UBXN4: variants seen among roughly 807,000 people sequenced by gnomAD.
UBXN4 encodes the protein UBX domain protein 4, also known as UBX domain-containing protein 4.
UBXN4 carries 35 observed loss-of-function variants against 66.2 expected under a neutral mutation model. That is an observed-to-expected ratio of 0.53 (90% CI 0.40 to 0.70). The LOEUF (loss-of-function observed/expected upper bound fraction) is 0.70. UBXN4 is among the 30% of genes least tolerant of loss of function. The pLI, the probability that UBXN4 is intolerant of heterozygous loss-of-function variation, is 0.00. For synonymous variants in UBXN4, 203 were observed against 204.5 expected (o/e 0.99, Z 0.06); for missense variants, 533 against 599.8 (o/e 0.89, Z 1.16).
In UBXN4 at chr2:135,762,849, C is replaced by T. The variant is rs1380207426; in HGVS notation, c.602+938C>T. On this transcript the variant is annotated intron_variant, in intron 6 of 12. Coordinates refer to ENST00000272638, the MANE Select transcript of UBXN4 (RefSeq NM_014607.4). ...TTCTGATTTGCTAACACCAGGCCCA[C>T]TACTCTGTACCTTTATTTGCACCAC... 2.6e-5 allele frequency among the ~76,000 whole-genome samples: 4 copies of T among 152,276 alleles called. No individual in the cohort carries two copies. The East Asian group carries it at 7.7e-4, about 29-fold the overall frequency.
chr2:135,747,519 G>A (rs1429042889), intron 1 of UBXN4: 1 of 424,896 alleles, frequency 2.4e-6, no homozygotes, highest in East Asian at 7.1e-5. Context: ...GTCTAAAATT[G>A]CAAACAGAAT....
At chr2:135,764,214 CTG>C (rs1202218284) in intron 6 of UBXN4, among the ~76,000 whole-genome samples, 11 of 152,166 alleles carry the variant, frequency 7.2e-5, no homozygotes, top group East Asian at 1.9e-4. Flanking sequence ...ACAGTTGAAA[CTG>C]AGATCTATTT....
At chr2:135,744,415 G>A (rs537953538) in intron 1 of UBXN4, among the ~76,000 whole-genome samples, 1 of 152,296 alleles carries the variant, frequency 6.6e-6, no homozygotes, top group African/African-American at 2.4e-5. Flanking sequence ...GATTTTCAAA[G>A]TATTGTGGCT....
intron 6 of UBXN4, among the ~76,000 whole-genome samples, chr2:135,765,248 C>G (rs1482121486): frequency 6.7e-6 from 1 of 149,426 alleles, no homozygotes; most frequent in South Asian, 2.1e-4. Context: ...TTGCTCTTGT[C>G]GCCCAAGCTG....
intron 2 of UBXN4, among the ~76,000 whole-genome samples, chr2:135,751,409 C>T (rs550612809): frequency 1.3e-4 from 19 of 151,222 alleles, no homozygotes; most frequent in South Asian, 8.4e-4. Flanking sequence ...AGGATGGTCT[C>T]GATCTCCTGA....
At chr2:135,782,695 A>G (rs2077457291) in intron 12 of UBXN4, 54 bp from the exon 13 acceptor site, 6 of 1,588,512 alleles carry the variant, frequency 3.8e-6, no homozygotes, top group Non-Finnish European at 2.6e-6. Flanking sequence ...AGCTTGTATT[A>G]CTATTGTTTT....
intron 2 of UBXN4, among the ~76,000 whole-genome samples, chr2:135,749,014 C>A (rs1025743824): frequency 5.3e-5 from 8 of 151,850 alleles, no homozygotes; most frequent in Admixed American, 1.3e-4. Flanking sequence ...TGCACTATAG[C>A]CTGGGCGAGA....
chr2:135,756,136 G>A (rs959337052), intron 5 of UBXN4, among the ~76,000 whole-genome samples: 2 of 151,960 alleles, frequency 1.3e-5, no homozygotes, highest in Admixed American at 1.3e-4. Flanking sequence ...TTATGAAATA[G>A]AGCTTGTAGA....
In UBXN4 at chr2:135,784,113, A is replaced by C. The variant is rs969801573; in HGVS notation, c.*1226A>C. On this transcript the variant is annotated 3_prime_UTR_variant, in exon 13 of 13. Coordinates refer to ENST00000272638, the MANE Select transcript of UBXN4 (RefSeq NM_014607.4). Reference sequence around the variant, plus strand: ...CAGGCTGCGCTGTTGGTAGGAGTGAAAACCAGTATAATTCTTCTGAAAAAC... The same window carrying C: ...CAGGCTGCGCTGTTGGTAGGAGTGACAACCAGTATAATTCTTCTGAAAAAC... 2.0e-5 allele frequency: 3 copies of C among 152,248 alleles called. No homozygotes were observed. Among genetic ancestry groups the C allele is most frequent in the African/African-American group, 7.2e-5 (3 of 41,466 alleles). The allele number at this position is 152,248 out of a possible 1,614,324, so 9.4% of individuals were successfully genotyped here.
At chr2:135,773,962 C>G (rs1272511117) in intron 9 of UBXN4, among the ~76,000 whole-genome samples, 2 of 152,174 alleles carry the variant, frequency 1.3e-5, no homozygotes, top group African/African-American at 4.8e-5. Context: ...CTAAACTGAT[C>G]TAACTGATCT....
chr2:135,768,280 C>T (rs1490232403), intron 6 of UBXN4, among the ~76,000 whole-genome samples: 2 of 151,978 alleles, frequency 1.3e-5, no homozygotes, highest in East Asian at 3.9e-4. Context: ...CTCACTGCAA[C>T]CTCCGCCCCC....
intron 1 of UBXN4, 100 bp from the exon 2 acceptor site, chr2:135,748,167 G>T (rs1371991248): frequency 9.3e-6 from 8 of 860,538 alleles, no homozygotes; most frequent in African/African-American, 1.8e-5. Context: ...AGTGGTATAG[G>T]TGGGATTATA....
At chr2:135,754,066 C>G (rs2077263934) in intron 3 of UBXN4, 93 bp from the exon 4 acceptor site, 1 of 889,962 alleles carries the variant, frequency 1.1e-6, no homozygotes, top group Non-Finnish European at 1.8e-6. Flanking sequence ...GTGAAAATCA[C>G]AAAGATCATT....
chr2:135,769,896 T>C, intron 7 of UBXN4, 73 bp downstream of exon 7: 4 of 1,370,044 alleles, frequency 2.9e-6, no homozygotes, highest in Non-Finnish European at 4.0e-6. Context: ...CTATTCAGTG[T>C]GGCAGGCCTA....
intron 11 of UBXN4, among the ~76,000 whole-genome samples, chr2:135,779,758 A>G (rs2077438009): frequency 1.3e-5 from 2 of 150,338 alleles, no homozygotes; most frequent in Middle Eastern, 3.5e-3. Flanking sequence ...GTATATTACA[A>G]TTTCTCTTAA....
chr2:135,755,624 T>C lies in UBXN4; in HGVS notation c.441T>C (p.Ser147=), dbSNP rs2077275203. ...AACCTAACAACACTTGTGAAAACTC[T>C]CAGTCCAGAAATGCAGAGCTTTGTG... ...SFEPNNTCEN[S]QSRNAELCEI... is the part of the protein sequence containing the mutation. Residue 147 remains serine (S), a synonymous_variant, in exon 5 of 13, where the codon TCT becomes TCC. Coordinates refer to ENST00000272638, the MANE Select transcript of UBXN4 (RefSeq NM_014607.4). 1 of 1,608,944 alleles carries C rather than the reference T, an allele frequency of 6.2e-7. No individual in the cohort carries two copies. Among genetic ancestry groups the C allele is most frequent in the Admixed American group, 1.7e-5 (1 of 59,310 alleles).
At chr2:135,782,318 A>G (rs1238844468) in intron 12 of UBXN4, among the ~76,000 whole-genome samples, 1 of 152,196 alleles carries the variant, frequency 6.6e-6, no homozygotes, top group Non-Finnish European at 1.5e-5. Context: ...GTCATTCTTG[A>G]AGATTTTGCG....
At chr2:135,742,144 A>C in intron 1 of UBXN4, 133 bp downstream of exon 1, 2 of 1,048,134 alleles carry the variant, frequency 1.9e-6, no homozygotes, top group Non-Finnish European at 2.7e-6. Flanking sequence ...TGCCACTACT[A>C]CCCCGCGCCC....
chr2:135,752,339 G>A (rs2077247938), intron 2 of UBXN4, among the ~76,000 whole-genome samples: 1 of 152,048 alleles, frequency 6.6e-6, no homozygotes, highest in Admixed American at 6.6e-5. Context: ...GAGCCACCAC[G>A]CCAGGCCAAT....
Sources: gnomAD v4.1 joint callset for allele counts (sites outside exome capture counted in the v4.1 genomes callset) on GRCh38, gnomAD v4.1.1 for gene constraint, MANE v1.5 for transcripts, NCBI Gene and HGNC (gene_info 2026-07-23, HGNC 2026-07-21) for gene names.